The following GRIN3A variants were observed in gnomAD, a reference collection of about 807,000 sequenced individuals.
GRIN3A encodes glutamate ionotropic receptor NMDA type subunit 3A, also known as glutamate receptor ionotropic, NMDA 3A.
A neutral mutation model predicts 92.4 loss-of-function variants in GRIN3A; 47 were observed. The ratio of observed to expected loss-of-function variants is 0.51; its 90% confidence interval spans 0.40 to 0.65. GRIN3A has a LOEUF of 0.65. GRIN3A is among the 30% of genes least tolerant of loss of function. GRIN3A has a pLI of 0.00. For synonymous variants in GRIN3A, 527 were observed against 540.6 expected (o/e 0.97, Z 0.35); for missense variants, 1,324 against 1,393.1 (o/e 0.95, Z 0.79).
At chr9:101,709,697 A>G (rs1564149778) in intron 1 of GRIN3A, among the ~76,000 whole-genome samples, 1 of 152,246 alleles carries the variant, frequency 6.6e-6, no homozygotes, top group Non-Finnish European at 1.5e-5. Context: ...GTTTTTACGT[A>G]TATGCAAGGT....
chr9:101,692,059 T>C (rs1449718206), intron 1 of GRIN3A, among the ~76,000 whole-genome samples: 2 of 152,202 alleles, frequency 1.3e-5, no homozygotes, highest in African/African-American at 4.8e-5. Flanking sequence ...CAGAGTTTAG[T>C]CACTGTTGGA....
In GRIN3A at chr9:101,700,766, G is replaced by A. The variant is rs117123199; in HGVS notation, c.700-13566C>T. Among the ~76,000 whole-genome samples, 1,205 of 152,142 alleles carry A rather than the reference G, an allele frequency of 7.9e-3. 14 individuals carry two copies. Among genetic ancestry groups the A allele is most frequent in the Middle Eastern group, 0.034 (10 of 294 alleles). ...AGCGAGGTACCATTATAGAACTGGA[G>A]ACATAACTGAAATTTCAGTAATCCA... On this transcript the variant is annotated intron_variant, in intron 1 of 8. Coordinates refer to ENST00000361820, the MANE Select transcript of GRIN3A (RefSeq NM_133445.3).
chr9:101,688,963 C>T (rs1298599197), intron 1 of GRIN3A, among the ~76,000 whole-genome samples: 1 of 152,114 alleles, frequency 6.6e-6, no homozygotes, highest in African/African-American at 2.4e-5. Flanking sequence ...AGACAGGATC[C>T]AATAGGTAGC....
In GRIN3A at chr9:101,670,126, T is replaced by C; in HGVS notation, c.2286A>G (p.Ala762=). ...CACCTACCATGACAGCAGCCAAGTT[T>C]GCCGTGTATGTGGAAAGGCAAAACA... ...FCMFCLSTYT[A]NLAAVMVGEK... The change falls in exon 3 of 9, where the codon GCA becomes GCG. Residue 762 remains alanine (A), a synonymous_variant. Coordinates refer to ENST00000361820, the MANE Select transcript of GRIN3A (RefSeq NM_133445.3). 6.2e-7 allele frequency: 1 copy of C among 1,613,866 alleles called. No homozygotes were observed. The highest frequency in any genetic ancestry group is 1.3e-5 in the African/African-American group (1 of 75,038).
intron 6 of GRIN3A, among the ~76,000 whole-genome samples, chr9:101,591,048 C>T (rs888594043): frequency 5.9e-5 from 9 of 152,112 alleles, no homozygotes; most frequent in African/African-American, 2.2e-4. Flanking sequence ...ACATATGGTA[C>T]AGAGCAGACA....
intron 6 of GRIN3A, among the ~76,000 whole-genome samples, chr9:101,583,388 C>G (rs902032191): frequency 6.6e-6 from 1 of 152,160 alleles, no homozygotes; most frequent in Non-Finnish European, 1.5e-5. Context: ...GTCTGAGTGA[C>G]AAGACATACA....
At chr9:101,632,053 C>T (rs532954404) in intron 3 of GRIN3A, among the ~76,000 whole-genome samples, 2 of 152,312 alleles carry the variant, frequency 1.3e-5, no homozygotes, top group African/African-American at 2.4e-5. Context: ...CTTTTCCTAG[C>T]CTTGTCGTCC....
At position 101,570,009 on chromosome 9, in the gene GRIN3A, T is replaced by C. The variant is rs1168608446; in HGVS notation, c.*3165A>G. 6.6e-6 allele frequency: 1 copy of C among 152,136 alleles called. No homozygotes were observed. The highest frequency in any genetic ancestry group is 1.5e-5 in the Non-Finnish European group (1 of 68,036). The allele number at this position is 152,136 out of a possible 1,614,324, so 9.4% of individuals were successfully genotyped here. ...TTTGTGCAATAGCAAGATTCATGAA[T>C]AGCAGAGAGTCATCTCCAGGCACAT... On this transcript the variant is annotated 3_prime_UTR_variant, in exon 9 of 9. Coordinates refer to ENST00000361820, the MANE Select transcript of GRIN3A (RefSeq NM_133445.3).
chr9:101,724,114 G>A (rs183379417), intron 1 of GRIN3A, among the ~76,000 whole-genome samples: 5 of 152,318 alleles, frequency 3.3e-5, no homozygotes, highest in African/African-American at 7.2e-5. Flanking sequence ...CTGTGCGCCC[G>A]CACTCCTCAG....
rs776063918 is a variant in GRIN3A, at chr9:101,737,737, C to A, written c.243G>T (p.Pro81=). 5.8e-5 allele frequency: 88 copies of A among 1,527,528 alleles called. No individual in the cohort carries two copies. The highest frequency in any genetic ancestry group is 6.0e-5 in the Admixed American group (3 of 49,896). The allele number at this position is 1,527,528 out of a possible 1,614,324, so 94.6% of individuals were successfully genotyped here. A position where few individuals can be genotyped will look rare whatever the true frequency, so the allele number is the denominator to read the frequency against. The change falls in exon 1 of 9, where the codon CCG becomes CCT. Residue 81 remains proline, a synonymous_variant. Transcript: ENST00000361820. ...DSRAGAQRDE[P]EPGTRRSPAP... ...CCGGGGACCGCCTAGTCCCTGGCTC[C>A]GGCTCATCCCTCTGGGCTCCTGCTC...
intron 1 of GRIN3A, among the ~76,000 whole-genome samples, chr9:101,694,431 TG>T (rs1307426091): frequency 1.3e-5 from 2 of 152,160 alleles, no homozygotes; most frequent in African/African-American, 2.4e-5. Flanking sequence ...GGTTGATTGT[TG>T]GTAATCACTC....
chr9:101,578,878 C>T (rs1044856293), intron 7 of GRIN3A, among the ~76,000 whole-genome samples: 1 of 152,104 alleles, frequency 6.6e-6, no homozygotes, highest in East Asian at 1.9e-4. Flanking sequence ...AAGAAAAGAA[C>T]CTAGGAAATA....
chr9:101,575,200 G>A (rs1375269131), intron 8 of GRIN3A, among the ~76,000 whole-genome samples: 1 of 152,174 alleles, frequency 6.6e-6, no homozygotes, highest in African/African-American at 2.4e-5. Context: ...ATATAAATGA[G>A]CAGAGGGTAC....
intron 3 of GRIN3A, among the ~76,000 whole-genome samples, chr9:101,646,002 A>G (rs1263328839): frequency 6.6e-6 from 1 of 151,610 alleles, no homozygotes; most frequent in Non-Finnish European, 1.5e-5. Flanking sequence ...TAGTTTGCAA[A>G]TATTTTCTCT....
rs192478742 is a variant in GRIN3A, at chr9:101,654,972, A to C, written c.2352+15088T>G. Among the ~76,000 whole-genome samples the C allele has an allele frequency of 9.7e-4, 147 of 152,042 alleles. 1 individual carries two copies. The highest frequency in any genetic ancestry group is 3.3e-3 in the African/African-American group (138 of 41,532). On this transcript the variant is annotated intron_variant, in intron 3 of 8. Transcript: ENST00000361820. Reference sequence around the variant, plus strand: ...ATATGGTGACATATATATTTATGGAATTGATGGGTGAATGAATTTCCTTCC... The same window carrying C: ...ATATGGTGACATATATATTTATGGACTTGATGGGTGAATGAATTTCCTTCC...
chr9:101,694,599 T>C (rs1019963775), intron 1 of GRIN3A, among the ~76,000 whole-genome samples: 1 of 152,164 alleles, frequency 6.6e-6, no homozygotes, highest in Non-Finnish European at 1.5e-5. Flanking sequence ...TTGGTAATCT[T>C]GAAAGCATTT....
At chr9:101,583,519 C>T (rs979395181) in intron 6 of GRIN3A, among the ~76,000 whole-genome samples, 1 of 152,106 alleles carries the variant, frequency 6.6e-6, no homozygotes, top group African/African-American at 2.4e-5. Flanking sequence ...AACTGCTCAA[C>T]TTGATACTCA....
chr9:101,716,774 T>C (rs531739807), intron 1 of GRIN3A, among the ~76,000 whole-genome samples: 1 of 152,294 alleles, frequency 6.6e-6, no homozygotes, highest in East Asian at 1.9e-4. Flanking sequence ...GTTGAACTGG[T>C]GACCCTCCAG....
chr9:101,702,089 G>T (rs1829763118), intron 1 of GRIN3A, among the ~76,000 whole-genome samples: 1 of 152,036 alleles, frequency 6.6e-6, no homozygotes, highest in African/African-American at 2.4e-5. Flanking sequence ...ATCACTTGAG[G>T]CCAGGAGTTC....
Sources: gnomAD v4.1 joint callset for allele counts (sites outside exome capture counted in the v4.1 genomes callset) on GRCh38, gnomAD v4.1.1 for gene constraint, MANE v1.5 for transcripts, NCBI Gene and HGNC (gene_info 2026-07-23, HGNC 2026-07-21) for gene names.